OR6C74: variants seen among roughly 807,000 people sequenced by gnomAD.
The protein encoded by OR6C74 is olfactory receptor family 6 subfamily C member 74.
For synonymous variants in OR6C74, 142 were observed against 134.2 expected (o/e 1.06, Z -0.40); for missense variants, 361 against 362.9 (o/e 0.99, Z 0.04).
chr12:55,248,272 A>G lies in OR6C74; in HGVS notation c.*46A>G, dbSNP rs559582884. On this transcript the variant is annotated 3_prime_UTR_variant, in exon 2 of 2. Transcript: ENST00000343399. ...AAGGTTATTAGTAAAATAAAACAAG[A>G]AGAGTGGAGTATGTGCAAAGTTTTT... The G allele has an allele frequency of 7.9e-7, 1 of 1,257,880 alleles. No homozygotes were observed. The highest frequency in any genetic ancestry group is 2.4e-5 in the East Asian group (1 of 41,286). 77.9% of individuals were successfully genotyped at this position (1,257,880 alleles called of 1,614,324 possible).
At chr12:55,247,237 T>C in intron 1 of OR6C74, 42 bp from the exon 2 acceptor site, 1 of 1,200,328 alleles carries the variant, frequency 8.3e-7, no homozygotes, top group Non-Finnish European at 1.2e-6. Context: ...ATGCAGACCT[T>C]TCCTCTTCTG....
At chr12:55,244,854 A>G (rs1403121124) in intron 1 of OR6C74, among the ~76,000 whole-genome samples, 37 bp downstream of exon 1, 1 of 152,088 alleles carries the variant, frequency 6.6e-6, no homozygotes. Flanking sequence ...TCAAGCCTAA[A>G]CATCCTGAGT....
At chr12:55,244,961 G>T (rs1954261817) in intron 1 of OR6C74, among the ~76,000 whole-genome samples, 144 bp downstream of exon 1, 2 of 151,860 alleles carry the variant, frequency 1.3e-5, no homozygotes, top group South Asian at 4.1e-4. Context: ...CTCTGTGCTG[G>T]GACTTACCTG....
chr12:55,252,930 T>G lies in OR6C74; in HGVS notation c.*4704T>G, dbSNP rs1030947662. On this transcript the variant is annotated 3_prime_UTR_variant, in exon 2 of 2. Coordinates refer to ENST00000343399, the MANE Select transcript of OR6C74 (RefSeq NM_001005490.2). The stretch of plus-strand genomic sequence containing the variant: ...CATTTCTGATTTGCTTCTCTTCCTT[T>G]TTTTTCTTCTCCACCTCCCCTTCCT... 6.6e-6 allele frequency among the ~76,000 whole-genome samples: 1 copy of G among 152,028 alleles called. No individual in the cohort carries two copies.
rs1291336190 is a variant in OR6C74 at position 55,252,715 on chromosome 12, G to T, written c.*4489G>T. On this transcript the variant is annotated 3_prime_UTR_variant, in exon 2 of 2. Transcript: ENST00000343399. Reference sequence around the variant, plus strand: ...ATCTGTTTTGGAACAGAGTAAGGGGGTGATATCTTCAAGAAAACATATTAC... The same window carrying T: ...ATCTGTTTTGGAACAGAGTAAGGGGTTGATATCTTCAAGAAAACATATTAC... Among the ~76,000 whole-genome samples the T allele has an allele frequency of 2.0e-5, 3 of 151,860 alleles. No homozygotes were observed. Among genetic ancestry groups the T allele is most frequent in the South Asian group, 2.1e-4 (1 of 4,820 alleles).
Position 55,254,254 on chromosome 12 carries a change from A to C in OR6C74, c.*6028A>C, listed in dbSNP as rs1477576362. ...TTGTGAATATTTTAATATCTTGCCA[A>C]AAGATTTTCCTCTGGGTATTCTCCA... On this transcript the variant is annotated 3_prime_UTR_variant, in exon 2 of 2. Coordinates refer to ENST00000343399, the MANE Select transcript of OR6C74 (RefSeq NM_001005490.2). 6.6e-6 allele frequency among the ~76,000 whole-genome samples: 1 copy of C among 152,100 alleles called. No individual in the cohort carries two copies. The highest frequency in any genetic ancestry group is 6.6e-5 in the Admixed American group (1 of 15,246).
At position 55,247,513 on chromosome 12, in the gene OR6C74, A is replaced by G. The variant is rs769344888; in HGVS notation, c.226A>G (p.Ile76Val). The change falls in exon 2 of 2, where the codon ATT becomes GTT. Residue 76 changes from isoleucine to valine, a missense_variant. Coordinates refer to ENST00000343399, the MANE Select transcript of OR6C74 (RefSeq NM_001005490.2). Reference sequence around the variant, plus strand: ...AGAAGTCTCATTCACAACTGTCTACATTCCCAAATTTCTTGTTAGTATGGC... The same window carrying G: ...AGAAGTCTCATTCACAACTGTCTACGTTCCCAAATTTCTTGTTAGTATGGC... Reference protein sequence around the residue: ...FLEVSFTTVYIPKFLVSMATG... With the variant: ...FLEVSFTTVYVPKFLVSMATG... The G allele has an allele frequency of 3.1e-6, 5 of 1,613,346 alleles. No homozygotes were observed. Among genetic ancestry groups the G allele is most frequent in the Non-Finnish European group, 4.2e-6 (5 of 1,179,594 alleles).
Position 55,251,457 on chromosome 12 carries a change from A to G in OR6C74, c.*3231A>G, listed in dbSNP as rs1280213158. 6.6e-6 allele frequency among the ~76,000 whole-genome samples: 1 copy of G among 152,074 alleles called. No homozygotes were observed. Among genetic ancestry groups the G allele is most frequent in the East Asian group, 1.9e-4 (1 of 5,186 alleles). ...TCCAAGCCGGTGCCTAGTAAGGAAT[A>G]AATAAAATAAATAAGGCAGCAAATG... On this transcript the variant is annotated 3_prime_UTR_variant, in exon 2 of 2. Coordinates refer to ENST00000343399, the MANE Select transcript of OR6C74 (RefSeq NM_001005490.2).
Position 55,254,670 on chromosome 12 carries a change from T to C in OR6C74, c.*6444T>C, listed in dbSNP as rs111252254. 4.1e-3 allele frequency among the ~76,000 whole-genome samples: 608 copies of C among 148,832 alleles called. 6 individuals carry two copies. Among genetic ancestry groups the C allele is most frequent in the African/African-American group, 0.015 (566 of 38,498 alleles). On this transcript the variant is annotated 3_prime_UTR_variant, in exon 2 of 2. Coordinates refer to ENST00000343399, the MANE Select transcript of OR6C74 (RefSeq NM_001005490.2). ...CTTTCTTTAAGATCCTCAATATGGA[T>C]CTTACCATGTTATAGCCTTATAGCA...
rs1325751666 is a variant in OR6C74 at position 55,247,310 on chromosome 12, C to T, written c.23C>T (p.Ala8Val). ...ACTATGAGAAACCATACAACAGTAGCAAACTTTATTCTTCTTGGACTGACA... is the reference window on the plus strand; with the variant it reads ...ACTATGAGAAACCATACAACAGTAGTAAACTTTATTCTTCTTGGACTGACA... MRNHTTV[A>V]NFILLGLTDD... Residue 8 changes from alanine to valine, a missense_variant, in exon 2 of 2, where the codon GCA becomes GTA. Transcript: ENST00000343399. The T allele has an allele frequency of 6.2e-7, 1 of 1,603,176 alleles. No individual in the cohort carries two copies. The highest frequency in any genetic ancestry group is 8.5e-7 in the Non-Finnish European group (1 of 1,172,710).
Position 55,248,286 on chromosome 12 carries a change from TGC to T in OR6C74, c.*61_*62del. 1 of 1,085,338 alleles carries T rather than the reference TGC, an allele frequency of 9.2e-7. No homozygotes were observed. Among genetic ancestry groups the T allele is most frequent in the Non-Finnish European group, 1.3e-6 (1 of 758,026 alleles). The allele number at this position is 1,085,338 out of a possible 1,614,324, so 67.2% of individuals were successfully genotyped here. ...AATAAAACAAGAAGAGTGGAGTATGTGCAAAGTTTTTCAATGTTTGTATTCAA... is the reference window on the plus strand; with the variant it reads ...AATAAAACAAGAAGAGTGGAGTATGTAAAGTTTTTCAATGTTTGTATTCAA... On this transcript the variant is annotated 3_prime_UTR_variant, in exon 2 of 2. Coordinates refer to ENST00000343399, the MANE Select transcript of OR6C74 (RefSeq NM_001005490.2).
At position 55,254,317 on chromosome 12, in the gene OR6C74, A is replaced by G. The variant is rs948691977; in HGVS notation, c.*6091A>G. 6.6e-6 allele frequency among the ~76,000 whole-genome samples: 1 copy of G among 152,098 alleles called. No individual in the cohort carries two copies. ...AGGGGTATGTAAGTAAATTGCATAC[A>G]ATAAAGCTGTTCCATATTGCAATTC... is the stretch of plus-strand genomic sequence containing the variant. On this transcript the variant is annotated 3_prime_UTR_variant, in exon 2 of 2. Transcript: ENST00000343399.
rs926778138 is a variant in OR6C74 at position 55,249,315 on chromosome 12, T to C, written c.*1089T>C. 2.6e-5 allele frequency among the ~76,000 whole-genome samples: 4 copies of C among 152,156 alleles called. No individual in the cohort carries two copies. The highest frequency in any genetic ancestry group is 7.2e-5 in the African/African-American group (3 of 41,460). On this transcript the variant is annotated 3_prime_UTR_variant, in exon 2 of 2. Transcript: ENST00000343399. ...CAGTGTTATAAGACAAGAAAACTTTTTCTGAAAGACTAATGTCAGTTTCCT... is the reference window on the plus strand; with the variant it reads ...CAGTGTTATAAGACAAGAAAACTTTCTCTGAAAGACTAATGTCAGTTTCCT...
intron 1 of OR6C74, among the ~76,000 whole-genome samples, chr12:55,246,705 AAAAATGGTC>A (rs1954272314): frequency 1.3e-5 from 2 of 152,190 alleles, no homozygotes; most frequent in South Asian, 4.1e-4. Context: ...AAGCAGAGAT[AAAAATGGTC>A]ATGAGGATGG....
Position 55,255,564 on chromosome 12 carries a change from T to C in OR6C74, c.*7338T>C, listed in dbSNP as rs887168336. On this transcript the variant is annotated 3_prime_UTR_variant, in exon 2 of 2. Coordinates refer to ENST00000343399, the MANE Select transcript of OR6C74 (RefSeq NM_001005490.2). ...AACCCAAATGCCCATCAATGATAGG[T>C]TGGATAAAGAAAATGTGGTACATAT... Among the ~76,000 whole-genome samples the C allele has an allele frequency of 2.7e-5, 4 of 150,326 alleles. No individual in the cohort carries two copies. Among genetic ancestry groups the C allele is most frequent in the East Asian group, 1.9e-4 (1 of 5,170 alleles).
At position 55,250,462 on chromosome 12, in the gene OR6C74, T is replaced by C. The variant is rs985773692; in HGVS notation, c.*2236T>C. On this transcript the variant is annotated 3_prime_UTR_variant, in exon 2 of 2. Transcript: ENST00000343399. ...GATTTTTTTCTATTTCTAGGTTGTT[T>C]GTAAGTAGATAACAGAAAAAGCAAA... Among the ~76,000 whole-genome samples the C allele has an allele frequency of 2.0e-5, 3 of 152,088 alleles. No individual in the cohort carries two copies. The highest frequency in any genetic ancestry group is 2.0e-4 in the Admixed American group (3 of 15,252).
At chr12:55,245,490 T>A (rs1954264439) in intron 1 of OR6C74, among the ~76,000 whole-genome samples, 1 of 152,164 alleles carries the variant, frequency 6.6e-6, no homozygotes, top group South Asian at 2.1e-4. Flanking sequence ...AATCTACTTT[T>A]CATATCCCAA....
In OR6C74 at chr12:55,249,066, G is replaced by C. The variant is rs1213833878; in HGVS notation, c.*840G>C. Among the ~76,000 whole-genome samples, 1 of 152,140 alleles carries C rather than the reference G, an allele frequency of 6.6e-6. No homozygotes were observed. The highest frequency in any genetic ancestry group is 1.5e-5 in the Non-Finnish European group (1 of 68,008). ...GCTTACACATTTTTAGCAAAACGAA[G>C]TGAAAATCTCTCTCTGCTCTTAAGT... On this transcript the variant is annotated 3_prime_UTR_variant, in exon 2 of 2. Transcript: ENST00000343399.
At position 55,252,272 on chromosome 12, in the gene OR6C74, A is replaced by C. The variant is rs1229324877; in HGVS notation, c.*4046A>C. Reference sequence around the variant, plus strand: ...TAATTATTGTGTGAAATGAACTGCAAGTCTTATTACAGTTTATTTTACCTT... The same window carrying C: ...TAATTATTGTGTGAAATGAACTGCACGTCTTATTACAGTTTATTTTACCTT... On this transcript the variant is annotated 3_prime_UTR_variant, in exon 2 of 2. Transcript: ENST00000343399. Among the ~76,000 whole-genome samples the C allele has an allele frequency of 6.6e-6, 1 of 151,842 alleles. No homozygotes were observed. The highest frequency in any genetic ancestry group is 2.4e-5 in the African/African-American group (1 of 41,432).
Sources: gnomAD v4.1 joint callset for allele counts (sites outside exome capture counted in the v4.1 genomes callset) on GRCh38, gnomAD v4.1.1 for gene constraint, MANE v1.5 for transcripts, NCBI Gene and HGNC (gene_info 2026-07-23, HGNC 2026-07-21) for gene names.